The following CPS1 variants were observed in gnomAD, a reference collection of about 807,000 sequenced individuals.
The protein encoded by CPS1 is carbamoyl-phosphate synthase [ammonia], mitochondrial.
CPS1 carries 109 observed loss-of-function variants against 174.6 expected under a neutral mutation model. The observed-to-expected ratio is 0.62, with a 90% CI of 0.53 to 0.73. The LOEUF (loss-of-function observed/expected upper bound fraction) is 0.73. Ranked by LOEUF, CPS1 falls within the 30% of genes least tolerant of loss-of-function variation. CPS1 has a pLI of 0.00. For missense variants in CPS1, 1,689 were observed against 1,821.9 expected, an observed-to-expected ratio of 0.93 and a Z score of 1.33; for synonymous variants, 637 against 632.0, an observed-to-expected ratio of 1.01 and a Z score of -0.12.
rs779259590 is a variant in CPS1 at position 210,608,388 on chromosome 2, G to T, written c.2220G>T (p.Lys740Asn). Residue 740 changes from lysine to asparagine, a missense_variant, in exon 19 of 38, where the codon AAG becomes AAT. Coordinates refer to ENST00000233072, the MANE Select transcript of CPS1 (RefSeq NM_001875.5). Reference sequence around the variant, plus strand: ...ACCCATTGGCATTCATTGCTGCAAAGATTGCCCTAGGAATCCCACTTCCAG... The same window carrying T: ...ACCCATTGGCATTCATTGCTGCAAATATTGCCCTAGGAATCCCACTTCCAG... ...TGYPLAFIAA[K>N]IALGIPLPEI... 5.6e-6 allele frequency: 9 copies of T among 1,612,198 alleles called. No individual in the cohort carries two copies. In the East Asian group the frequency reaches 2.0e-4, roughly 36 times the overall value.
At chr2:210,553,608 A>C (rs1197607229), upstream of CPS1, among the ~76,000 whole-genome samples, 2 of 152,024 alleles carry the variant, frequency 1.3e-5, no homozygotes, top group Non-Finnish European at 2.9e-5. Context: ...GCCTGCATTC[A>C]TGCCTGTCAC....
intron 23 of CPS1, among the ~76,000 whole-genome samples, chr2:210,639,548 C>T (rs1294606653): frequency 7.3e-6 from 1 of 137,832 alleles, no homozygotes; most frequent in Non-Finnish European, 1.5e-5. Flanking sequence ...GGAAGCGGAG[C>T]TTGCAGTGAG....
chr2:210,583,725 G>C (rs1698006772), intron 6 of CPS1, among the ~76,000 whole-genome samples: 1 of 152,078 alleles, frequency 6.6e-6, no homozygotes, highest in South Asian at 2.1e-4. Context: ...AAGTGGAGAT[G>C]GACTGACTGA....
chr2:210,478,785 G>A (rs1452722407), intron 1 of CPS1, among the ~76,000 whole-genome samples: 1 of 152,140 alleles, frequency 6.6e-6, no homozygotes, highest in Non-Finnish European at 1.5e-5. Context: ...TGAAGATGAT[G>A]TGAAGCATGC....
intron 1 of CPS1, among the ~76,000 whole-genome samples, chr2:210,568,234 G>C (rs1697364156): frequency 6.6e-6 from 1 of 152,070 alleles, no homozygotes; most frequent in Non-Finnish European, 1.5e-5. Context: ...GCAGTACCAG[G>C]ATGTAAAAGG....
At position 210,591,765 on chromosome 2, in the gene CPS1, G is replaced by A. The variant is rs1157331625; in HGVS notation, c.948-66G>A. Reference sequence around the variant, plus strand: ...GCTTTACTTGTTCACTACTTTATAAGGAATACATTTATATTATTCTCTTCA... The same window carrying A: ...GCTTTACTTGTTCACTACTTTATAAAGAATACATTTATATTATTCTCTTCA... On this transcript the variant is annotated intron_variant, in intron 9 of 37. Coordinates refer to ENST00000233072, the MANE Select transcript of CPS1 (RefSeq NM_001875.5). The A allele has an allele frequency of 3.9e-6, 6 of 1,548,410 alleles. No homozygotes were observed. The African/African-American group carries it at 8.2e-5, about 21-fold the overall frequency.
Position 210,675,739 on chromosome 2 carries a change from G to C in CPS1, c.4173G>C (p.Thr1391=). 6.3e-7 allele frequency: 1 copy of C among 1,579,846 alleles called. No homozygotes were observed. Among genetic ancestry groups the C allele is most frequent in the Non-Finnish European group, 8.7e-7 (1 of 1,148,702 alleles). Residue 1391 remains threonine, a synonymous_variant, in exon 36 of 38, where the codon ACG becomes ACC. Transcript: ENST00000233072. ...LHNEGFKLFA[T]EATSDWLNAN... is the part of the protein sequence containing the mutation. ...CATTTTAAATGCAGCTGTTTGCCAC[G>C]GAAGCCACATCAGACTGGCTCAACG...
intron 20 of CPS1, among the ~76,000 whole-genome samples, chr2:210,614,999 G>A (rs768949778): frequency 6.6e-5 from 10 of 151,674 alleles, no homozygotes; most frequent in Non-Finnish European, 1.3e-4. Context: ...AAACCTGCAC[G>A]TCCTGCACAT....
intron 6 of CPS1, among the ~76,000 whole-genome samples, chr2:210,584,036 T>C (rs1256564088): frequency 6.6e-6 from 1 of 152,076 alleles, no homozygotes; most frequent in Non-Finnish European, 1.5e-5. Flanking sequence ...AGCATAGTGA[T>C]TATGTCATTT....
At chr2:210,560,882 AC>A (rs1697076545) in intron 1 of CPS1, among the ~76,000 whole-genome samples, 1 of 152,132 alleles carries the variant, frequency 6.6e-6, no homozygotes, top group Admixed American at 6.6e-5. Context: ...ATTTTATTGG[AC>A]TTTTACTACA....
In CPS1 at chr2:210,675,822, G is replaced by T; in HGVS notation, c.4256G>T (p.Ser1419Ile). The T allele has an allele frequency of 6.4e-7, 1 of 1,550,684 alleles. No individual in the cohort carries two copies. The highest frequency in any genetic ancestry group is 8.9e-7 in the Non-Finnish European group (1 of 1,122,230). The change falls in exon 36 of 38, where the codon AGC becomes ATC. Residue 1419 changes from serine (S) to isoleucine (I), a missense_variant. Ser to Ile is a moderately radical substitution (Grantham distance 142, BLOSUM62 -2). Coordinates refer to ENST00000233072, the MANE Select transcript of CPS1 (RefSeq NM_001875.5). ...CCGTCTCAAGAAGGACAGAATCCCA[G>T]CCTCTCTTCCATCAGAAAGTAAGAA... ...AWPSQEGQNP[S>I]LSSIRKLIRD... is the part of the protein sequence containing the mutation.
At chr2:210,615,696 A>G (rs979848714) in intron 20 of CPS1, among the ~76,000 whole-genome samples, 4 of 152,020 alleles carry the variant, frequency 2.6e-5, no homozygotes, top group African/African-American at 9.7e-5. Flanking sequence ...ACTCAGCTTA[A>G]TGACCCATAG....
intron 21 of CPS1, among the ~76,000 whole-genome samples, chr2:210,637,396 A>G (rs937685617): frequency 5.3e-5 from 8 of 152,170 alleles, no homozygotes; most frequent in African/African-American, 1.9e-4. Flanking sequence ...GTCTCTGATT[A>G]TTACTAATGA....
chr2:210,600,673 G>A lies in CPS1; in HGVS notation c.1668G>A (p.Glu556=), dbSNP rs1359655653. 6.2e-7 allele frequency: 1 copy of A among 1,612,030 alleles called. No individual in the cohort carries two copies. Among genetic ancestry groups the A allele is most frequent in the African/African-American group, 1.3e-5 (1 of 74,746 alleles). The part of the protein sequence containing the change: ...DRQLFSDKLN[E]INEKIAPSFA... ...AGCTGTTTTCAGATAAACTAAATGA[G>A]ATCAATGAAAAGATTGCTCCAAGTT... The change falls in exon 15 of 38, where the codon GAG becomes GAA. Residue 556 remains glutamate (E), a synonymous_variant. Transcript: ENST00000233072.
chr2:210,493,063 C>T (rs1324769068), intron 1 of CPS1, among the ~76,000 whole-genome samples: 1 of 152,026 alleles, frequency 6.6e-6, no homozygotes, highest in Non-Finnish European at 1.5e-5. Flanking sequence ...GTTTTGGTGC[C>T]TGCATTTATA....
intron 35 of CPS1, among the ~76,000 whole-genome samples, chr2:210,675,305 T>G (rs1701489378): frequency 1.3e-5 from 2 of 152,222 alleles, no homozygotes; most frequent in South Asian, 4.1e-4. Flanking sequence ...GCAAAACTTC[T>G]TTGCAGTGAA....
In CPS1 at chr2:210,489,926, A is replaced by G. The variant is rs575861222; in HGVS notation, c.3+12160A>G. 7.6e-5 allele frequency among the ~76,000 whole-genome samples: 11 copies of G among 145,584 alleles called. No homozygotes were observed. In the South Asian group the frequency reaches 2.4e-3, roughly 32 times the overall value. ...GGCAGGAGAATGGCGTGAACCCGGG[A>G]GGCGGAGCTTGCAGTGAGCCGAGAT... On this transcript the variant is annotated intron_variant, in intron 1 of 38. Coordinates refer to the CPS1 transcript ENST00000430249.
chr2:210,666,161 T>C (rs914995359), intron 33 of CPS1, among the ~76,000 whole-genome samples: 1 of 151,984 alleles, frequency 6.6e-6, no homozygotes, highest in African/African-American at 2.4e-5. Flanking sequence ...TTGCTCACTT[T>C]TTGATGGGGT....
At chr2:210,492,794 CAA>C (rs1461778782) in intron 1 of CPS1, among the ~76,000 whole-genome samples, 3 of 151,600 alleles carry the variant, frequency 2.0e-5, no homozygotes, top group African/African-American at 7.3e-5. Flanking sequence ...TTTTAACAAA[CAA>C]TATAAAATAC....
Sources: gnomAD v4.1 joint callset for allele counts (sites outside exome capture counted in the v4.1 genomes callset) on GRCh38, gnomAD v4.1.1 for gene constraint, MANE v1.5 for transcripts, NCBI Gene and HGNC (gene_info 2026-07-23, HGNC 2026-07-21) for gene names.